Variants in GLIS3 observed in about 807,000 individuals in gnomAD.
GLIS3 encodes GLIS family zinc finger 3.
GLIS3 carries 53 observed loss-of-function variants against 78.6 expected under a neutral mutation model. That is an observed-to-expected ratio of 0.67 (90% confidence interval 0.54 to 0.85). The LOEUF is 0.85. Among genes scored for constraint, GLIS3 ranks in the 40% least tolerant of loss-of-function variants. The pLI is 0.00. For missense variants in GLIS3, 1,703 were observed against 1,231.1 expected (o/e 1.38, Z -5.74); for synonymous variants, 684 against 509.9 (o/e 1.34, Z -4.60).
chr9:4,348,951 C>G (rs922984987), upstream of GLIS3, among the ~76,000 whole-genome samples: 1 of 152,080 alleles, frequency 6.6e-6, no homozygotes, highest in Admixed American at 6.5e-5. Context: ...CCATAGGAAA[C>G]ATATATTACA....
chr9:4,254,368 C>G (rs1312566312), intron 2 of GLIS3, among the ~76,000 whole-genome samples: 2 of 152,140 alleles, frequency 1.3e-5, no homozygotes, highest in African/African-American at 4.8e-5. Context: ...TTGAGAAATA[C>G]AGAATTTTTT....
At chr9:3,941,071 C>T (rs894387098) in intron 4 of GLIS3, among the ~76,000 whole-genome samples, 8 of 152,150 alleles carry the variant, frequency 5.3e-5, no homozygotes, top group African/African-American at 1.9e-4. Context: ...CTAACAAGCC[C>T]CCCATAAGAT....
rs139928619 is a variant in GLIS3, at chr9:4,055,737, G to A, written c.1710+62031C>T. On this transcript the variant is annotated intron_variant, in intron 4 of 10. Transcript: ENST00000381971. ...AAATGCACAAAGGCTTCTGTTTTCC[G>A]TGGATCAACCACAGCAAGCTGGCTC... is the stretch of plus-strand genomic sequence containing the variant. 6.9e-4 allele frequency among the ~76,000 whole-genome samples: 105 copies of A among 152,296 alleles called. 1 individual carries two copies. Among genetic ancestry groups the A allele is most frequent in the African/African-American group, 2.2e-3 (93 of 41,558 alleles).
At chr9:4,028,477 T>C (rs1407273422) in intron 4 of GLIS3, among the ~76,000 whole-genome samples, 1 of 152,202 alleles carries the variant, frequency 6.6e-6, no homozygotes, top group Non-Finnish European at 1.5e-5. Flanking sequence ...CTTTTCTCTT[T>C]TCATTTTTCA....
chr9:4,263,948 T>C (rs1825757296), intron 2 of GLIS3, among the ~76,000 whole-genome samples: 1 of 152,166 alleles, frequency 6.6e-6, no homozygotes, highest in Non-Finnish European at 1.5e-5. Context: ...TTTGGGTTGG[T>C]CCTTTGCAGT....
the GLIS3 span, among the ~76,000 whole-genome samples, chr9:4,377,041 G>A: frequency 8.1e-5 from 11 of 135,220 alleles, 1 homozygote; most frequent in African/African-American, 2.9e-4. Context: ...ACCCCTTTGT[G>A]CCTCAAAGTC....
At chr9:3,885,197 TG>T (rs1821991070) in intron 7 of GLIS3, among the ~76,000 whole-genome samples, 1 of 152,224 alleles carries the variant, frequency 6.6e-6, no homozygotes. Context: ...AGAGGCATAT[TG>T]ATCCACTGCT....
the GLIS3 span, among the ~76,000 whole-genome samples, chr9:4,380,063 A>C: frequency 6.6e-6 from 1 of 152,156 alleles, no homozygotes; most frequent in African/African-American, 2.4e-5. Flanking sequence ...CATTTTCACT[A>C]TCTGTAGTGC....
intron 1 of GLIS3, among the ~76,000 whole-genome samples, chr9:4,294,803 T>C (rs1816337575): frequency 6.6e-6 from 1 of 152,230 alleles, no homozygotes; most frequent in Non-Finnish European, 1.5e-5. Context: ...ACATTTATCA[T>C]ATAGTTATGC....
intron 4 of GLIS3, chr9:4,305,449 A>G (rs1349929643): frequency 2.0e-5 from 3 of 152,246 alleles, no homozygotes; most frequent in African/African-American, 4.8e-5. Context: ...GGCATCCCCT[A>G]TTGATAAGGA....
chr9:4,118,861 G>C lies in GLIS3; in HGVS notation c.617C>G (p.Ser206Cys), dbSNP rs1242665346. 3.7e-6 allele frequency: 6 copies of C among 1,601,592 alleles called. No individual in the cohort carries two copies. The African/African-American group carries it at 6.7e-5, about 18-fold the overall frequency. The change falls in exon 4 of 11, where the codon TCT (serine) becomes TGT (cysteine). Residue 206 changes from serine to cysteine, a missense_variant. Ser to Cys is a moderately radical substitution (Grantham distance 112). Transcript: ENST00000381971. This position sits in a 1 kb window ranked among gnomAD's most constrained non-coding sequence, Gnocchi z 4.7. ...CAGACTCAAGGTCGTGGACGCCAAA[G>C]ACTCACGCGAAATAAGGGACCTGGA... ...SDTRSLISRE[S>C]LASTTLSLTE...
At chr9:4,022,761 T>C (rs112990851) in intron 4 of GLIS3, among the ~76,000 whole-genome samples, 9 of 152,160 alleles carry the variant, frequency 5.9e-5, no homozygotes, top group Non-Finnish European at 1.3e-4. Flanking sequence ...TACTGATACA[T>C]GCAACAACAT....
At chr9:3,861,648 A>G (rs1820222163) in intron 8 of GLIS3, among the ~76,000 whole-genome samples, 1 of 152,182 alleles carries the variant, frequency 6.6e-6, no homozygotes, top group East Asian at 1.9e-4. Flanking sequence ...ACATGGATGG[A>G]GCTGGAAGCC....
chr9:4,201,741 C>G (rs999866338), intron 2 of GLIS3, among the ~76,000 whole-genome samples: 4 of 152,098 alleles, frequency 2.6e-5, no homozygotes, highest in African/African-American at 9.7e-5. Flanking sequence ...AGACTCAATA[C>G]CATTACAACG....
chr9:4,215,198 A>C (rs896652399), intron 2 of GLIS3, among the ~76,000 whole-genome samples: 1 of 152,172 alleles, frequency 6.6e-6, no homozygotes, highest in Non-Finnish European at 1.5e-5. Context: ...CAGGCAAATA[A>C]ATTTACATGA....
chr9:4,322,082 A>T (rs375677105), intron 2 of GLIS3, among the ~76,000 whole-genome samples: 1 of 151,926 alleles, frequency 6.6e-6, no homozygotes, highest in African/African-American at 2.4e-5. Flanking sequence ...CCTGTGTCCA[A>T]GTGTTCTCAT....
chr9:4,140,345 A>G (rs1320216405), intron 2 of GLIS3, among the ~76,000 whole-genome samples: 1 of 152,082 alleles, frequency 6.6e-6, no homozygotes, highest in Non-Finnish European at 1.5e-5. Context: ...AACAAAACAG[A>G]ACAAAAAAAG....
intron 2 of GLIS3, among the ~76,000 whole-genome samples, chr9:4,239,484 G>A (rs1563811141): frequency 6.6e-6 from 1 of 152,020 alleles, no homozygotes; most frequent in Non-Finnish European, 1.5e-5. Flanking sequence ...GAGACCTAGA[G>A]CAAACTCTAC....
chr9:4,136,279 A>T (rs1334410600), intron 2 of GLIS3, among the ~76,000 whole-genome samples: 1 of 152,222 alleles, frequency 6.6e-6, no homozygotes, highest in Non-Finnish European at 1.5e-5. Flanking sequence ...TAGAGACAGG[A>T]GCTCAGAGGA....
Sources: gnomAD v4.1 joint callset for allele counts (sites outside exome capture counted in the v4.1 genomes callset) on GRCh38, gnomAD v4.1.1 for gene constraint, Gnocchi (gnomAD v3.1) non-coding constraint, MANE v1.5 for transcripts, NCBI Gene and HGNC (gene_info 2026-07-23, HGNC 2026-07-21) for gene names.